The following SMCHD1 variants were observed in gnomAD, a reference collection of about 807,000 sequenced individuals.
The protein encoded by SMCHD1 is structural maintenance of chromosomes flexible hinge domain containing 1.
A neutral mutation model predicts 254.7 loss-of-function variants in SMCHD1; 78 were observed. The observed-to-expected ratio is 0.31, with a 90% CI of 0.26 to 0.37. SMCHD1 has a LOEUF of 0.37. Among genes scored for constraint, SMCHD1 ranks in the 10% least tolerant of loss-of-function variants. SMCHD1 has a pLI of 1.00. For missense variants in SMCHD1, 1,840 were observed against 2,408.1 expected (o/e 0.76, Z 4.94); for synonymous variants, 766 against 794.9 (o/e 0.96, Z 0.61).
At chr18:2,712,451 A>G (rs2074701459) in intron 17 of SMCHD1, among the ~76,000 whole-genome samples, 1 of 152,238 alleles carries the variant, frequency 6.6e-6, no homozygotes, top group African/African-American at 2.4e-5. Flanking sequence ...TGAACTGTGC[A>G]GGTCCACTTA....
intron 10 of SMCHD1, among the ~76,000 whole-genome samples, chr18:2,699,660 G>A (rs951761259): frequency 6.6e-6 from 1 of 152,126 alleles, no homozygotes; most frequent in Non-Finnish European, 1.5e-5. Context: ...TCTTAAATTT[G>A]CTGTTTCCAA....
At chr18:2,769,894 T>G (rs2075945634) in intron 38 of SMCHD1, 74 bp downstream of exon 38, 3 of 1,542,582 alleles carry the variant, frequency 1.9e-6, no homozygotes, top group Non-Finnish European at 8.7e-7. Context: ...TGCTTTCCAT[T>G]AACTTGGTGT....
chr18:2,733,425 C>G (rs1016914157), intron 25 of SMCHD1, among the ~76,000 whole-genome samples: 8 of 152,160 alleles, frequency 5.3e-5, no homozygotes, highest in Non-Finnish European at 1.0e-4. Flanking sequence ...CTTGATGAAG[C>G]AATGATTGCA....
intron 45 of SMCHD1, 49 bp downstream of exon 45, chr18:2,784,670 T>C (rs2076210727): frequency 1.4e-6 from 2 of 1,474,026 alleles, no homozygotes. Context: ...AATTTTACTC[T>C]TATTTTTCTA....
intron 25 of SMCHD1, among the ~76,000 whole-genome samples, chr18:2,737,354 T>C (rs1359800344): frequency 1.3e-5 from 2 of 152,208 alleles, no homozygotes; most frequent in Non-Finnish European, 2.9e-5. Context: ...AACAAACTTG[T>C]ATACGTACCT....
chr18:2,801,528 ACT>A (rs1208590645), intron 47 of SMCHD1, among the ~76,000 whole-genome samples: 1 of 151,958 alleles, frequency 6.6e-6, no homozygotes, highest in Non-Finnish European at 1.5e-5. Context: ...TAAATCTCAC[ACT>A]CTCAAGAGGT....
At chr18:2,691,043 ATAACT>A (rs1342036973) in intron 7 of SMCHD1, among the ~76,000 whole-genome samples, 2 of 148,292 alleles carry the variant, frequency 1.3e-5, no homozygotes, top group Non-Finnish European at 3.0e-5. Flanking sequence ...TATTTTCTCG[ATAACT>A]TAATATACCC....
chr18:2,661,829 GT>G (rs1291539940), intron 1 of SMCHD1, among the ~76,000 whole-genome samples: 1 of 152,158 alleles, frequency 6.6e-6, no homozygotes, highest in African/African-American at 2.4e-5. Flanking sequence ...ATTATATGCA[GT>G]TATCGTAGAA....
In SMCHD1 at chr18:2,773,256, A is replaced by G. The variant is rs565462395; in HGVS notation, c.5175+884A>G. ...GTATTAGGAAACAAGTTGCTAATAT[A>G]CAATGTTTTAAAATATTATTCCAAT... On this transcript the variant is annotated intron_variant, in intron 41 of 47. Transcript: ENST00000320876. 1.8e-3 allele frequency among the ~76,000 whole-genome samples: 269 copies of G among 152,368 alleles called. 2 individuals carry two copies. The highest frequency in any genetic ancestry group is 6.3e-3 in the African/African-American group (263 of 41,598).
Position 2,705,737 on chromosome 18 carries a change from T to A in SMCHD1, c.1886T>A (p.Val629Glu). The stretch of plus-strand genomic sequence containing the variant: ...CTTCCCCTCTTTTATGGAAGCATAG[T>A]AAGATTTTTTCTTTATGGCGATCAT... ...KTLPLFYGSI[V>E]RFFLYGDHDG... Residue 629 changes from valine (V) to glutamate (E), a missense_variant, in exon 14 of 48, where the codon GTA becomes GAA. Around this residue, in one of 9 missense-constraint regions of SMCHD1, gnomAD observed 498 missense variants for 743.5 expected, o/e 0.67. Transcript: ENST00000320876. 1 of 1,608,800 alleles carries A rather than the reference T, an allele frequency of 6.2e-7. No homozygotes were observed. Among genetic ancestry groups the A allele is most frequent in the Non-Finnish European group, 8.5e-7 (1 of 1,176,526 alleles).
chr18:2,748,638 A>ACC (rs980493071), intron 30 of SMCHD1, among the ~76,000 whole-genome samples: 5 of 151,444 alleles, frequency 3.3e-5, no homozygotes, highest in Non-Finnish European at 5.9e-5. Context: ...CGGGTGATCC[A>ACC]CCCGCCTTGG....
intron 1 of SMCHD1, among the ~76,000 whole-genome samples, chr18:2,658,752 A>C (rs755019305): frequency 1.3e-5 from 2 of 152,102 alleles, no homozygotes; most frequent in Non-Finnish European, 2.9e-5. Flanking sequence ...TTACATGGTC[A>C]ACAAGCAGTG....
At chr18:2,762,350 G>A in intron 36 of SMCHD1, 114 bp downstream of exon 36, 1 of 910,204 alleles carries the variant, frequency 1.1e-6, no homozygotes, top group Non-Finnish European at 1.6e-6. Context: ...AAGGTTATAG[G>A]GAAAACTTGT....
At chr18:2,713,961 C>G (rs1395410470) in intron 17 of SMCHD1, among the ~76,000 whole-genome samples, 1 of 152,196 alleles carries the variant, frequency 6.6e-6, no homozygotes, top group Non-Finnish European at 1.5e-5. Flanking sequence ...ATAATGTATA[C>G]TCTGCATATT....
rs929566129 is a variant in SMCHD1, at chr18:2,707,076, G to A, written c.2064-487G>A. Among the ~76,000 whole-genome samples, 5 of 152,154 alleles carry A rather than the reference G, an allele frequency of 3.3e-5. No individual in the cohort carries two copies. In the East Asian group the frequency reaches 7.7e-4, roughly 23 times the overall value. ...AAACCATTCCTGTGATCCAATCACC[G>A]CCCACCAGGTCCCTCCCTTGACACC... is the stretch of plus-strand genomic sequence containing the variant. On this transcript the variant is annotated intron_variant, in intron 15 of 47. Transcript: ENST00000320876.
intron 34 of SMCHD1, chr18:2,753,266 T>G (rs890921642): frequency 6.6e-6 from 1 of 152,284 alleles, no homozygotes; most frequent in Non-Finnish European, 1.5e-5. Flanking sequence ...AAGACTTCTT[T>G]CACTCAGCAT....
chr18:2,673,443 TAG>T, intron 4 of SMCHD1, 80 bp downstream of exon 4: 1 of 1,004,980 alleles, frequency 1.0e-6, no homozygotes, highest in Non-Finnish European at 1.4e-6. Flanking sequence ...AATGAGAAAA[TAG>T]AGATAAAACT....
intron 5 of SMCHD1, among the ~76,000 whole-genome samples, chr18:2,686,182 A>G (rs2143932129): frequency 6.6e-6 from 1 of 152,276 alleles, no homozygotes; most frequent in Non-Finnish European, 1.5e-5. Flanking sequence ...CTTGACTTTC[A>G]AAAAATTTAA....
Position 2,694,801 on chromosome 18 carries a change from A to G in SMCHD1, c.1040+108A>G, listed in dbSNP as rs2074252624. 1.1e-5 allele frequency: 10 copies of G among 893,088 alleles called. No homozygotes were observed. In the South Asian group the frequency reaches 1.3e-4, roughly 11 times the overall value. 55.3% of individuals were successfully genotyped at this position (893,088 alleles called of 1,614,324 possible). ...TTGGTATCCGTTTTGCTCCTGTCTC[A>G]TTTTCTTCCCTTTAGTATTATCCAG... On this transcript the variant is annotated intron_variant, in intron 8 of 47. Coordinates refer to ENST00000320876, the MANE Select transcript of SMCHD1 (RefSeq NM_015295.3).
Sources: gnomAD v4.1 joint callset for allele counts (sites outside exome capture counted in the v4.1 genomes callset) on GRCh38, gnomAD v4.1.1 for gene constraint, gnomAD v4.1.1 regional missense constraint, MANE v1.5 for transcripts, NCBI Gene and HGNC (gene_info 2026-07-23, HGNC 2026-07-21) for gene names.